Variants in CNTN5 observed in about 807,000 individuals in gnomAD.
CNTN5 encodes contactin-5.
Under a neutral mutation model 129.1 loss-of-function variants are expected in CNTN5, and 77 were observed. That is an observed-to-expected ratio of 0.60 (90% CI 0.50 to 0.72). CNTN5 has a LOEUF of 0.72. Ranked by LOEUF, CNTN5 falls within the 30% of genes least tolerant of loss-of-function variation. The pLI is 0.00. For synonymous variants in CNTN5, 509 were observed against 465.6 expected (o/e 1.09, Z -1.20); for missense variants, 1,478 against 1,328.8 (o/e 1.11, Z -1.75).
intron 16 of CNTN5, among the ~76,000 whole-genome samples, chr11:100,236,603 C>G (rs1949618404): frequency 6.6e-6 from 1 of 152,110 alleles, no homozygotes; most frequent in African/African-American, 2.4e-5. Context: ...CTTTAGGAGG[C>G]TTTAATGCCA....
At chr11:100,180,958 T>C (rs34562026) in intron 13 of CNTN5, among the ~76,000 whole-genome samples, 1 of 151,960 alleles carries the variant, frequency 6.6e-6, no homozygotes, top group African/African-American at 2.4e-5. Flanking sequence ...CTGGTATGAA[T>C]GTTAAATGAT....
chr11:99,439,500 G>A (rs1943733100), intron 2 of CNTN5, among the ~76,000 whole-genome samples: 1 of 151,796 alleles, frequency 6.6e-6, no homozygotes, highest in African/African-American at 2.4e-5. Context: ...CTGAGGTCAG[G>A]AGTTCAACAC....
At chr11:99,249,870 A>G (rs776570583) in intron 1 of CNTN5, among the ~76,000 whole-genome samples, 7 of 152,010 alleles carry the variant, frequency 4.6e-5, no homozygotes, top group Non-Finnish European at 8.8e-5. Flanking sequence ...AGCTCCATAA[A>G]TAATAATCCA....
chr11:100,342,314 C>T (rs1206524741), intron 23 of CNTN5, among the ~76,000 whole-genome samples: 2 of 152,002 alleles, frequency 1.3e-5, no homozygotes, highest in Non-Finnish European at 2.9e-5. Flanking sequence ...CACAACTTCT[C>T]CTCTTAGGGA....
At chr11:99,808,609 G>T (rs1145391) in intron 3 of CNTN5, among the ~76,000 whole-genome samples, 4 of 151,890 alleles carry the variant, frequency 2.6e-5, no homozygotes, top group Non-Finnish European at 5.9e-5. Context: ...AAATCACTCG[G>T]GGACTTCAAT....
Position 100,139,424 on chromosome 11 carries a change from G to T in CNTN5, c.1581-51702G>T, listed in dbSNP as rs190213381. Among the ~76,000 whole-genome samples, 327 of 152,280 alleles carry T rather than the reference G, an allele frequency of 2.1e-3. 2 individuals carry two copies. The highest frequency in any genetic ancestry group is 7.6e-3 in the African/African-American group (314 of 41,566). ...TTCAAGGAGAAGAAAAGAATCCCTT[G>T]TGCCAAATGGTGCTGATATGTCAAG... On this transcript the variant is annotated intron_variant, in intron 13 of 24. Coordinates refer to ENST00000524871, the MANE Select transcript of CNTN5 (RefSeq NM_014361.4).
chr11:100,284,457 A>G (rs954522363), intron 18 of CNTN5, among the ~76,000 whole-genome samples: 1 of 152,220 alleles, frequency 6.6e-6, no homozygotes, highest in Non-Finnish European at 1.5e-5. Flanking sequence ...TCAAACCAAT[A>G]TATAAATTTG....
intron 3 of CNTN5, among the ~76,000 whole-genome samples, chr11:99,725,369 A>G (rs996915408): frequency 4.9e-4 from 74 of 152,172 alleles, no homozygotes; most frequent in African/African-American, 1.7e-3. Context: ...AAGTATCTCT[A>G]TGAAGATACT....
intron 7 of CNTN5, among the ~76,000 whole-genome samples, chr11:99,952,165 G>A (rs892262456): frequency 5.9e-5 from 9 of 152,042 alleles, no homozygotes; most frequent in East Asian, 1.9e-4. Flanking sequence ...ATAATTAAGC[G>A]GACAATTCTC....
chr11:99,921,556 C>T (rs998907575), intron 7 of CNTN5, among the ~76,000 whole-genome samples: 2 of 152,188 alleles, frequency 1.3e-5, no homozygotes, highest in African/African-American at 2.4e-5. Flanking sequence ...GTACTCACAG[C>T]ATTACATATA....
chr11:100,331,742 C>T (rs1280411759), intron 21 of CNTN5, among the ~76,000 whole-genome samples: 3 of 152,018 alleles, frequency 2.0e-5, no homozygotes, highest in Non-Finnish European at 4.4e-5. Flanking sequence ...ATTGCTGGCT[C>T]AACAACGAAA....
intron 3 of CNTN5, among the ~76,000 whole-genome samples, chr11:99,787,518 GAA>G (rs71463593): frequency 7.1e-6 from 1 of 140,046 alleles, no homozygotes; most frequent in Non-Finnish European, 1.6e-5. Flanking sequence ...TTTTTACCCA[GAA>G]AAAAAAAAAT....
intron 9 of CNTN5, among the ~76,000 whole-genome samples, chr11:100,056,642 A>T (rs1943237183): frequency 6.6e-6 from 1 of 151,786 alleles, no homozygotes; most frequent in South Asian, 2.1e-4. Flanking sequence ...ATATAAGAAG[A>T]TACTGGTAGT....
intron 1 of CNTN5, among the ~76,000 whole-genome samples, chr11:99,170,410 T>G (rs2135538501): frequency 6.6e-6 from 1 of 152,258 alleles, no homozygotes; most frequent in South Asian, 2.1e-4. Flanking sequence ...GCTTTGTAAT[T>G]TGCAAGATGT....
At chr11:99,470,739 T>A (rs1945138814) in intron 2 of CNTN5, among the ~76,000 whole-genome samples, 1 of 152,110 alleles carries the variant, frequency 6.6e-6, no homozygotes, top group African/African-American at 2.4e-5. Flanking sequence ...GGATACCCAA[T>A]ATATAAGCTC....
intron 1 of CNTN5, among the ~76,000 whole-genome samples, chr11:99,227,273 T>TCC (rs1860741168): frequency 6.6e-6 from 1 of 151,234 alleles, no homozygotes. Flanking sequence ...AGCAGGAGAA[T>TCC]CACTTGAACC....
intron 3 of CNTN5, among the ~76,000 whole-genome samples, chr11:99,680,639 G>T (rs1407907533): frequency 6.6e-6 from 1 of 151,766 alleles, no homozygotes; most frequent in Non-Finnish European, 1.5e-5. Flanking sequence ...CTATTTTCAT[G>T]CCTATTACAC....
At chr11:100,080,285 GC>G (rs1164511196) in intron 13 of CNTN5, among the ~76,000 whole-genome samples, 1 of 151,690 alleles carries the variant, frequency 6.6e-6, no homozygotes, top group African/African-American at 2.4e-5. Context: ...CTATGGAGGT[GC>G]AGTATTATAG....
At chr11:99,536,044 G>A (rs1436141726) in intron 2 of CNTN5, among the ~76,000 whole-genome samples, 7 of 152,148 alleles carry the variant, frequency 4.6e-5, no homozygotes, top group African/African-American at 1.7e-4. Flanking sequence ...TATGTGGTTA[G>A]AAGGGTGTCT....
Sources: allele counts gnomAD v4.1 joint callset (sites outside exome capture counted in the v4.1 genomes callset), GRCh38; gene constraint gnomAD v4.1.1; transcripts MANE v1.5; gene names NCBI Gene and HGNC (gene_info 2026-07-23, HGNC 2026-07-21).